ATXN3: variants seen among roughly 807,000 people sequenced by gnomAD.
The protein encoded by ATXN3 is ataxin 3, also known as ataxin-3.
ATXN3 carries 28 observed loss-of-function variants against 58.2 expected under a neutral mutation model. The ratio of observed to expected loss-of-function variants is 0.48; its 90% confidence interval spans 0.36 to 0.66. ATXN3 has a LOEUF of 0.66. Among genes scored for constraint, ATXN3 ranks in the 30% least tolerant of loss-of-function variants. The pLI, the probability that ATXN3 is intolerant of heterozygous loss-of-function variation, is 0.00. For missense variants in ATXN3, 321 were observed against 422.1 expected (o/e 0.76, Z 2.10); for synonymous variants, 113 against 138.5 (o/e 0.82, Z 1.29).
chr14:92,098,416 C>T (rs1300139397), intron 1 of ATXN3, among the ~76,000 whole-genome samples: 4 of 151,998 alleles, frequency 2.6e-5, no homozygotes, highest in South Asian at 4.2e-4. Context: ...GGTGAAACCT[C>T]GTCTCTACTA....
chr14:92,094,947 A>G (rs2064817217), intron 3 of ATXN3, among the ~76,000 whole-genome samples: 2 of 152,194 alleles, frequency 1.3e-5, no homozygotes, highest in South Asian at 2.1e-4. Context: ...ATAAACAAAG[A>G]TATCTGCAGA....
intron 10 of ATXN3, among the ~76,000 whole-genome samples, chr14:92,066,491 T>G (rs2058424568): frequency 6.6e-6 from 1 of 152,136 alleles, no homozygotes; most frequent in Non-Finnish European, 1.5e-5. Context: ...GAGAAATTCC[T>G]TTAGCCATTC....
chr14:92,053,948 T>TC (rs1402639164), downstream of ATXN3, among the ~76,000 whole-genome samples: 1 of 151,586 alleles, frequency 6.6e-6, no homozygotes, highest in African/African-American at 2.4e-5. Context: ...GGTTTTTTTT[T>TC]CCCCCGAGAC....
rs776908103 is a variant in ATXN3, at chr14:92,059,542, C to T, written c.*4778G>A. 11 of 152,206 alleles carry T rather than the reference C, an allele frequency of 7.2e-5. No individual in the cohort carries two copies. Among genetic ancestry groups the T allele is most frequent in the Non-Finnish European group, 1.3e-4 (9 of 68,130 alleles). The allele number at this position is 152,206 out of a possible 1,614,324, so 9.4% of individuals were successfully genotyped here. On this transcript the variant is annotated 3_prime_UTR_variant, in exon 11 of 11. Coordinates refer to ENST00000644486, the MANE Select transcript of ATXN3 (RefSeq NM_004993.6). ...CACTTTGAAAACAGTGGCCCAAGGC[C>T]GGGTGTGGTGGCCTGCACCTGTAAT...
downstream of ATXN3, among the ~76,000 whole-genome samples, chr14:92,055,637 C>T (rs2057462465): frequency 6.6e-6 from 1 of 152,140 alleles, no homozygotes. This position sits in a 1 kb window ranked among gnomAD's most constrained non-coding sequence, Gnocchi z 4.5. Flanking sequence ...ACTAGAAGCT[C>T]CTGGAAGATG....
chr14:92,095,517 A>AC (rs765889218), intron 3 of ATXN3, among the ~76,000 whole-genome samples: 89 of 150,848 alleles, frequency 5.9e-4, no homozygotes, highest in Non-Finnish European at 1.5e-4. Flanking sequence ...TGCTGGGATT[A>AC]CAGGTGTGAG....
chr14:92,052,361 G>A (rs924491264), upstream of ATXN3, among the ~76,000 whole-genome samples: 3 of 151,928 alleles, frequency 2.0e-5, no homozygotes, highest in Non-Finnish European at 4.4e-5. Flanking sequence ...GGGTGTGGTG[G>A]CCTGTAATCT....
rs559491213 is a variant in ATXN3, at chr14:92,104,557, C to G, written c.24+1972G>C. Among the ~76,000 whole-genome samples the G allele has an allele frequency of 5.3e-5, 8 of 152,312 alleles. No homozygotes were observed. In the South Asian group the frequency reaches 1.7e-3, roughly 32 times the overall value. On this transcript the variant is annotated intron_variant, in intron 1 of 10. Transcript: ENST00000644486. Reference sequence around the variant, plus strand: ...ATTGTTAAAAATCTTGTCTAATTCTCAGGAAGTAGTGTGGAACATGTTTAA... The same window carrying G: ...ATTGTTAAAAATCTTGTCTAATTCTGAGGAAGTAGTGTGGAACATGTTTAA...
chr14:92,072,964 G>A (rs1239632929), intron 9 of ATXN3, among the ~76,000 whole-genome samples: 1 of 152,200 alleles, frequency 6.6e-6, no homozygotes, highest in Non-Finnish European at 1.5e-5. Context: ...GTAGGTGTAA[G>A]ACCTTAGTGT....
At chr14:92,080,689 A>G (rs2061305509) in intron 9 of ATXN3, 2 of 384,544 alleles carry the variant, frequency 5.2e-6, no homozygotes, top group Non-Finnish European at 5.1e-6. Context: ...GCACGCTTCC[A>G]TGCCCAGCTG....
rs1009698297 is a variant in ATXN3, at chr14:92,062,364, A to T, written c.*1956T>A. On this transcript the variant is annotated 3_prime_UTR_variant, in exon 11 of 11. Coordinates refer to ENST00000644486, the MANE Select transcript of ATXN3 (RefSeq NM_004993.6). ...GTATATATGAACTTTATAAACTCTA[A>T]AGTTAAAACTTTAAAATGCATATTG... is the stretch of plus-strand genomic sequence containing the variant. The T allele has an allele frequency of 1.3e-5, 2 of 152,214 alleles. No individual in the cohort carries two copies. The highest frequency in any genetic ancestry group is 4.8e-5 in the African/African-American group (2 of 41,448). The allele number at this position is 152,214 out of a possible 1,614,324, so 9.4% of individuals were successfully genotyped here.
chr14:92,080,618 C>T lies in ATXN3; in HGVS notation c.872+347G>A, dbSNP rs56343705. ...GTGCGATCTCGGCTCACTGCAACCT[C>T]CACGTCCCGGGTTCAAGCAATTCTC... On this transcript the variant is annotated intron_variant, in intron 9 of 10. Coordinates refer to ENST00000644486, the MANE Select transcript of ATXN3 (RefSeq NM_004993.6). The T allele has an allele frequency of 9.7e-3, 3,221 of 330,838 alleles. 22 individuals carry two copies. Among genetic ancestry groups the T allele is most frequent in the Middle Eastern group, 0.021 (19 of 918 alleles). 20.5% of individuals were successfully genotyped at this position (330,838 alleles called of 1,614,324 possible).
intron 6 of ATXN3, among the ~76,000 whole-genome samples, chr14:92,087,713 T>TA (rs2140926435): frequency 6.6e-6 from 1 of 152,062 alleles, no homozygotes; most frequent in East Asian, 1.9e-4. Flanking sequence ...GAAGAATGCG[T>TA]ATAAAGGAAA....
At chr14:92,096,205 G>C (rs1241779011) in intron 2 of ATXN3, 68 bp from the exon 3 acceptor site, 2 of 1,612,166 alleles carry the variant, frequency 1.2e-6, no homozygotes, top group Non-Finnish European at 1.7e-6. Context: ...ACTGTCATTA[G>C]CGTGCATATT....
At chr14:92,101,880 C>A (rs1048981897) in intron 1 of ATXN3, among the ~76,000 whole-genome samples, 3 of 150,624 alleles carry the variant, frequency 2.0e-5, no homozygotes, top group Non-Finnish European at 4.4e-5. Flanking sequence ...ATAGGCTGGG[C>A]GTGGTAGCTC....
At chr14:92,100,102 CA>C (rs1253215136) in intron 1 of ATXN3, among the ~76,000 whole-genome samples, 2 of 152,230 alleles carry the variant, frequency 1.3e-5, no homozygotes, top group Non-Finnish European at 2.9e-5. Flanking sequence ...TGTTAGTACA[CA>C]AACTCTAAAA....
chr14:92,091,193 G>A (rs2063707938), intron 5 of ATXN3, among the ~76,000 whole-genome samples: 1 of 152,098 alleles, frequency 6.6e-6, no homozygotes, highest in Non-Finnish European at 1.5e-5. Context: ...GCTCACGCCT[G>A]TAACCCCAGC....
intron 1 of ATXN3, among the ~76,000 whole-genome samples, chr14:92,049,356 G>A (rs2057440114): frequency 6.6e-6 from 1 of 152,194 alleles, no homozygotes; most frequent in Non-Finnish European, 1.5e-5. Context: ...CACCCCCACG[G>A]TGATCAGACA....
chr14:92,095,458 G>A (rs1438259457), intron 3 of ATXN3, among the ~76,000 whole-genome samples: 2 of 147,068 alleles, frequency 1.4e-5, no homozygotes, highest in African/African-American at 2.5e-5. Flanking sequence ...TAGCCAGGAT[G>A]GTCTCAATCT....
Sources: allele counts gnomAD v4.1 joint callset (sites outside exome capture counted in the v4.1 genomes callset), GRCh38; gene constraint gnomAD v4.1.1; non-coding constraint Gnocchi (gnomAD v3.1); transcripts MANE v1.5; gene names NCBI Gene and HGNC (gene_info 2026-07-23, HGNC 2026-07-21).